The following NOD1 variants were observed in gnomAD, a reference collection of about 807,000 sequenced individuals.
NOD1 encodes nucleotide binding oligomerization domain containing 1.
NOD1 carries 70 observed loss-of-function variants against 81.2 expected under a neutral mutation model. The observed-to-expected ratio is 0.86, with a 90% CI of 0.71 to 1.05. The LOEUF is 1.05. Among genes scored for constraint, NOD1 ranks in the 50% least tolerant of loss-of-function variants. The probability of loss-of-function intolerance (pLI) is 0.00; values close to 1 mark genes in which losing one functional copy is unlikely to be tolerated. For missense variants in NOD1, 1,233 were observed against 1,228.0 expected, an observed-to-expected ratio of 1.00 and a Z score of -0.06; for synonymous variants, 508 against 526.9, an observed-to-expected ratio of 0.96 and a Z score of 0.49.
chr7:30,468,710 C>CA (rs1787959377), intron 1 of NOD1: 1 of 584,664 alleles, frequency 1.7e-6, no homozygotes, highest in East Asian at 1.4e-4. Flanking sequence ...GAGTGGGCTC[C>CA]ACCAACCCCC....
intron 1 of NOD1, chr7:30,460,582 C>T (rs1786938692): frequency 1.0e-6 from 1 of 985,236 alleles, no homozygotes; most frequent in Non-Finnish European, 1.2e-6. Context: ...AGCCAGAAAA[C>T]AGGACACACC....
At chr7:30,446,825 G>C in intron 8 of NOD1, 142 bp downstream of exon 8, 1 of 659,472 alleles carries the variant, frequency 1.5e-6, no homozygotes, top group Non-Finnish European at 2.7e-6. Context: ...TCACACAGAG[G>C]TATCTTTACT....
chr7:30,447,088 C>T, intron 7 of NOD1, 38 bp from the exon 8 acceptor site: 1 of 1,613,126 alleles, frequency 6.2e-7, no homozygotes, highest in Non-Finnish European at 8.5e-7. Flanking sequence ...TTTCTGGCTC[C>T]TGATGTCATT....
Position 30,467,942 on chromosome 7 carries a change from T to C in NOD1, c.-351-7901A>G, listed in dbSNP as rs545208186. 5.1e-4 allele frequency among the ~76,000 whole-genome samples: 78 copies of C among 152,260 alleles called. No homozygotes were observed. The highest frequency in any genetic ancestry group is 1.9e-3 in the African/African-American group (78 of 41,546). ...GTCTTGAACTCCTGACCTCAGGTGA[T>C]CCACCTGCCTCGACCTCCCAAAGTG... On this transcript the variant is annotated intron_variant, in intron 1 of 13. Coordinates refer to ENST00000222823, the MANE Select transcript of NOD1 (RefSeq NM_006092.4). This position sits in a 1 kb window ranked among gnomAD's most constrained non-coding sequence, Gnocchi z 4.5.
rs1173997398 is a variant in NOD1, at chr7:30,424,550, T to TAACAAATGAGCTGGC, written c.*1073_*1087dup. On this transcript the variant is annotated 3_prime_UTR_variant, in exon 14 of 14. Transcript: ENST00000222823. ...CGTAAGAGTGTTTTCAGTATTTTAT[T>TAACAAATGAGCTGGC]AACAAATGAGCTGGCAAGAGGACAA... 1 of 152,044 alleles carries TAACAAATGAGCTGGC rather than the reference T, an allele frequency of 6.6e-6. No individual in the cohort carries two copies. Among genetic ancestry groups the TAACAAATGAGCTGGC allele is most frequent in the African/African-American group, 2.4e-5 (1 of 41,378 alleles). The allele number at this position is 152,044 out of a possible 1,614,324, so 9.4% of individuals were successfully genotyped here.
chr7:30,463,215 C>CGGGTT (rs1787333338), intron 1 of NOD1, among the ~76,000 whole-genome samples: 1 of 152,052 alleles, frequency 6.6e-6, no homozygotes, highest in Non-Finnish European at 1.5e-5. Flanking sequence ...GTCAGCAACC[C>CGGGTT]ATATGCTTGA....
rs1404383859 is a variant in NOD1, at chr7:30,452,872, C to T, written c.545G>A (p.Cys182Tyr). Residue 182 changes from cysteine to tyrosine, a missense_variant, in exon 6 of 14, where the codon TGC becomes TAC. Physicochemically the swap from Cys to Tyr is radical, Grantham distance 194. Coordinates refer to ENST00000222823, the MANE Select transcript of NOD1 (RefSeq NM_006092.4). ...GATGCCGGTGGTGTGGTCCAGGAGGCAGGCCAGGCTGTTCAGGCTGCCCAG... is the reference window on the plus strand; with the variant it reads ...GATGCCGGTGGTGTGGTCCAGGAGGTAGGCCAGGCTGTTCAGGCTGCCCAG... ...ESLGSLNSLACLLDHTTGILN... is the reference protein window; with the variant it reads ...ESLGSLNSLAYLLDHTTGILN... The T allele has an allele frequency of 6.2e-7, 1 of 1,614,110 alleles. No individual in the cohort carries two copies. The highest frequency in any genetic ancestry group is 1.7e-5 in the Admixed American group (1 of 60,020).
chr7:30,448,216 C>G, intron 7 of NOD1, 82 bp downstream of exon 7: 3 of 1,178,696 alleles, frequency 2.5e-6, no homozygotes, highest in Non-Finnish European at 3.8e-6. Context: ...GCCGATCATC[C>G]AGGGACCTAT....
At position 30,435,198 on chromosome 7, in the gene NOD1, C is replaced by A. The variant is rs1784278871; in HGVS notation, c.2621+800G>T. On this transcript the variant is annotated intron_variant, in intron 11 of 13. Coordinates refer to ENST00000222823, the MANE Select transcript of NOD1 (RefSeq NM_006092.4). ...AGGCCACATCCACTTAGTAAGTGCC[C>A]TAGAGTGCAGAGAGGGAGCGAGGAC... Among the ~76,000 whole-genome samples the A allele has an allele frequency of 2.6e-5, 4 of 152,318 alleles. No homozygotes were observed. The South Asian group carries it at 8.3e-4, about 32-fold the overall frequency.
chr7:30,446,534 C>A (rs1785107089), intron 8 of NOD1: 1 of 430,836 alleles, frequency 2.3e-6, no homozygotes, highest in South Asian at 2.6e-5. Context: ...CCTGGGAGGT[C>A]CCACTTTGAC....
Position 30,429,323 on chromosome 7 carries a change from G to A in NOD1, c.2789+51C>T, listed in dbSNP as rs746495776. 2.1e-6 allele frequency: 3 copies of A among 1,459,704 alleles called. No homozygotes were observed. In the South Asian group the frequency reaches 3.4e-5, roughly 17 times the overall value. The allele number at this position is 1,459,704 out of a possible 1,614,324, so 90.4% of individuals were successfully genotyped here. On this transcript the variant is annotated intron_variant, in intron 13 of 13. Coordinates refer to ENST00000222823, the MANE Select transcript of NOD1 (RefSeq NM_006092.4). ...GTTGTGCCTTGCACAGTCAGTGGTGGTGAGTAAACAGTCACTGGTGTTATT... is the reference window on the plus strand; with the variant it reads ...GTTGTGCCTTGCACAGTCAGTGGTGATGAGTAAACAGTCACTGGTGTTATT...
intron 1 of NOD1, among the ~76,000 whole-genome samples, chr7:30,474,502 T>C (rs2128109744): frequency 6.6e-6 from 1 of 152,350 alleles, no homozygotes; most frequent in South Asian, 2.1e-4. Flanking sequence ...GAGATCGTTT[T>C]AGGATGAAAC....
intron 4 of NOD1, 146 bp from the exon 5 acceptor site, chr7:30,455,457 C>A: frequency 8.3e-6 from 5 of 599,230 alleles, no homozygotes; most frequent in Admixed American, 3.0e-5. Flanking sequence ...TGACAGTCAA[C>A]ATATTGGAGC....
rs1786211850 is a variant in NOD1 at position 30,455,158 on chromosome 7, C to T, written c.355G>A (p.Val119Ile). Residue 119 changes from valine to isoleucine, a missense_variant, in exon 5 of 14, where the codon GTC (valine) becomes ATC (isoleucine). Coordinates refer to ENST00000222823, the MANE Select transcript of NOD1 (RefSeq NM_006092.4). ...CTACCTGGGTCAGTGTTGACCACGA[C>T]TTTGCTCTGAGTGAGCAGGGAAGGG... Reference protein sequence around the residue: ...FSPSLLTQSKVVVNTDPVSRY... With the variant: ...FSPSLLTQSKIVVNTDPVSRY... 1 of 1,614,014 alleles carries T rather than the reference C, an allele frequency of 6.2e-7. No individual in the cohort carries two copies. The highest frequency in any genetic ancestry group is 2.2e-5 in the East Asian group (1 of 44,890).
At chr7:30,456,237 C>T (rs1040516855) in intron 4 of NOD1, among the ~76,000 whole-genome samples, 8 of 152,082 alleles carry the variant, frequency 5.3e-5, no homozygotes, top group Admixed American at 2.0e-4. Flanking sequence ...TAACGCAAAG[C>T]GTAAGTGGAA....
In NOD1 at chr7:30,457,032, C is replaced by T; in HGVS notation, c.-111G>A. The stretch of plus-strand genomic sequence containing the variant: ...CGCGCCCTCCAGGGCCCCTGCTACT[C>T]TGCGCAGCCCCTGAAGAGATCAATG... On this transcript the variant is annotated 5_prime_UTR_variant, in exon 4 of 14. Coordinates refer to ENST00000222823, the MANE Select transcript of NOD1 (RefSeq NM_006092.4). 1.2e-6 allele frequency: 1 copy of T among 821,874 alleles called. No individual in the cohort carries two copies. The allele number at this position is 821,874 out of a possible 1,614,324, so 50.9% of individuals were successfully genotyped here.
rs1432109847 is a variant in NOD1 at position 30,451,248 on chromosome 7, C to T, written c.2169G>A (p.Leu723=). 1.3e-5 allele frequency: 21 copies of T among 1,613,912 alleles called. No homozygotes were observed. The highest frequency in any genetic ancestry group is 1.7e-5 in the Non-Finnish European group (20 of 1,179,950). ...NNLNDYGVRE[L]QPCFSRLTVL... ...CAGTGAGGCGGCTGAAGCAGGGCTGCAGCTCCCGCACGCCGTAGTCGTTGA... is the reference window on the plus strand; with the variant it reads ...CAGTGAGGCGGCTGAAGCAGGGCTGTAGCTCCCGCACGCCGTAGTCGTTGA... Residue 723 remains leucine, a synonymous_variant, in exon 6 of 14, where the codon CTG becomes CTA. Transcript: ENST00000222823. This position sits in a 1 kb window ranked among gnomAD's most constrained non-coding sequence, Gnocchi z 4.2.
chr7:30,476,837 G>A (rs137991606), intron 1 of NOD1, among the ~76,000 whole-genome samples: 1 of 152,316 alleles, frequency 6.6e-6, no homozygotes, highest in African/African-American at 2.4e-5. Flanking sequence ...GGGGCAGCAG[G>A]GCAGGAGAAG....
chr7:30,455,087 A>T, intron 5 of NOD1, 50 bp downstream of exon 5: 1 of 1,584,956 alleles, frequency 6.3e-7, no homozygotes, highest in South Asian at 1.1e-5. Context: ...CAAACCCCCC[A>T]GGGCCCTGCT....
Sources: gnomAD v4.1 joint callset for allele counts (sites outside exome capture counted in the v4.1 genomes callset) on GRCh38, gnomAD v4.1.1 for gene constraint, Gnocchi (gnomAD v3.1) non-coding constraint, MANE v1.5 for transcripts, NCBI Gene and HGNC (gene_info 2026-07-23, HGNC 2026-07-21) for gene names.